The following PLPPR1 variants were observed in gnomAD, a reference collection of about 807,000 sequenced individuals.
PLPPR1 encodes phospholipid phosphatase related 1.
Under a neutral mutation model 33.1 loss-of-function variants are expected in PLPPR1, and 10 were observed. The observed-to-expected ratio is 0.30, with a 90% CI of 0.19 to 0.51. PLPPR1 has a LOEUF of 0.51. Ranked by LOEUF, PLPPR1 falls within the 20% of genes least tolerant of loss-of-function variation. The pLI, the probability that PLPPR1 is intolerant of heterozygous loss-of-function variation, is 0.97. For missense variants in PLPPR1, 304 were observed against 408.1 expected, an observed-to-expected ratio of 0.74 and a Z score of 2.20; for synonymous variants, 151 against 151.0, an observed-to-expected ratio of 1.00 and a Z score of 0.00.
intron 4 of PLPPR1, among the ~76,000 whole-genome samples, chr9:101,294,221 C>G (rs1277657221): frequency 4.0e-5 from 6 of 150,300 alleles, no homozygotes; most frequent in South Asian, 4.3e-4. Context: ...ATAAATTCCT[C>G]GACACATACA....
intron 1 of PLPPR1, among the ~76,000 whole-genome samples, chr9:101,140,051 G>T (rs948826642): frequency 5.9e-5 from 9 of 152,120 alleles, no homozygotes; most frequent in Admixed American, 1.3e-4. Context: ...ATAAGACAAA[G>T]CTTGTGAATC....
chr9:101,196,599 C>T (rs1459282348), intron 2 of PLPPR1, among the ~76,000 whole-genome samples: 7 of 152,216 alleles, frequency 4.6e-5, no homozygotes, highest in African/African-American at 1.2e-4. Context: ...CGGCGGCTCA[C>T]GCCTGTAATC....
rs916429844 is a variant in PLPPR1, at chr9:101,291,285, G to T, written c.385+5049G>T. Among the ~76,000 whole-genome samples, 7 of 152,358 alleles carry T rather than the reference G, an allele frequency of 4.6e-5. No individual in the cohort carries two copies. The East Asian group carries it at 1.4e-3, about 29-fold the overall frequency. The stretch of plus-strand genomic sequence containing the variant: ...TTGCTTAGGTAAACAAAGCAGCCGG[G>T]AAGCTCGAACTGGGTGGAGCCCACC... On this transcript the variant is annotated intron_variant, in intron 4 of 7. Transcript: ENST00000374874.
At chr9:101,277,292 G>A (rs1428507605) in intron 3 of PLPPR1, among the ~76,000 whole-genome samples, 1 of 152,188 alleles carries the variant, frequency 6.6e-6, no homozygotes, top group East Asian at 1.9e-4. Flanking sequence ...TCCTCAGAGT[G>A]TTAGAATATC....
chr9:101,189,380 TAGC>T (rs976835723), intron 2 of PLPPR1, among the ~76,000 whole-genome samples: 3 of 152,098 alleles, frequency 2.0e-5, no homozygotes, highest in African/African-American at 7.2e-5. Context: ...AGCCTCCAGG[TAGC>T]AGGCTCCAGA....
intron 2 of PLPPR1, among the ~76,000 whole-genome samples, chr9:101,211,846 T>G (rs1019355353): frequency 6.6e-6 from 1 of 152,214 alleles, no homozygotes; most frequent in African/African-American, 2.4e-5. Context: ...GAGCTAAGTA[T>G]TTTACATAAA....
intron 2 of PLPPR1, among the ~76,000 whole-genome samples, chr9:101,214,138 A>G (rs1007411923): frequency 1.2e-4 from 19 of 152,228 alleles, no homozygotes; most frequent in Admixed American, 8.5e-4. Flanking sequence ...AGGGATTGCT[A>G]TCACTGAAGG....
At chr9:101,032,758 G>C (rs1829960854) in intron 1 of PLPPR1, among the ~76,000 whole-genome samples, 1 of 152,158 alleles carries the variant, frequency 6.6e-6, no homozygotes, top group Non-Finnish European at 1.5e-5. Context: ...AATGTGCCAA[G>C]GAGGCCACAA....
intron 7 of PLPPR1, among the ~76,000 whole-genome samples, chr9:101,320,223 A>G (rs1456672761): frequency 6.6e-6 from 1 of 152,214 alleles, no homozygotes; most frequent in East Asian, 1.9e-4. Context: ...TCATATGGAT[A>G]CAATTTGAGG....
chr9:101,161,681 A>G (rs1313799976), intron 1 of PLPPR1, among the ~76,000 whole-genome samples: 2 of 152,120 alleles, frequency 1.3e-5, no homozygotes, highest in Non-Finnish European at 2.9e-5. Context: ...TCTTTTTATT[A>G]AAATAAAGAC....
At chr9:101,039,784 C>T (rs1201448401) in intron 1 of PLPPR1, among the ~76,000 whole-genome samples, 1 of 151,974 alleles carries the variant, frequency 6.6e-6, no homozygotes, top group South Asian at 2.1e-4. Flanking sequence ...CATTAACTAT[C>T]GTGAGAACAG....
intron 1 of PLPPR1, among the ~76,000 whole-genome samples, chr9:101,060,423 T>A (rs1564133124): frequency 6.6e-6 from 1 of 152,028 alleles, no homozygotes; most frequent in African/African-American, 2.4e-5. Context: ...AGTTAACATA[T>A]TGTATATTTG....
chr9:101,078,837 T>C (rs1431758523), intron 1 of PLPPR1, among the ~76,000 whole-genome samples: 1 of 152,148 alleles, frequency 6.6e-6, no homozygotes, highest in Non-Finnish European at 1.5e-5. Flanking sequence ...ATTCTCAGTT[T>C]CTCATACAGA....
intron 7 of PLPPR1, among the ~76,000 whole-genome samples, chr9:101,319,987 C>A (rs1261059830): frequency 6.6e-6 from 1 of 151,872 alleles, no homozygotes; most frequent in Non-Finnish European, 1.5e-5. Flanking sequence ...AGACTTCTTT[C>A]TCTCTTAATT....
intron 1 of PLPPR1, among the ~76,000 whole-genome samples, chr9:101,105,951 A>G (rs1830962417): frequency 6.8e-6 from 1 of 147,118 alleles, no homozygotes; most frequent in African/African-American, 2.6e-5. Context: ...AGTCCGTTTT[A>G]TCAGAGACTA....
chr9:101,066,239 G>A (rs1160625979), intron 1 of PLPPR1, among the ~76,000 whole-genome samples: 1 of 152,036 alleles, frequency 6.6e-6, no homozygotes, highest in East Asian at 1.9e-4. Context: ...TTTGGGGGAT[G>A]AAAATAGTCT....
intron 2 of PLPPR1, among the ~76,000 whole-genome samples, chr9:101,232,703 T>C (rs1588085826): frequency 6.6e-6 from 1 of 152,018 alleles, no homozygotes; most frequent in East Asian, 1.9e-4. Context: ...TGTGTTTTCA[T>C]GGAGAGATTA....
At chr9:101,064,790 C>A (rs553025947) in intron 1 of PLPPR1, among the ~76,000 whole-genome samples, 1 of 152,062 alleles carries the variant, frequency 6.6e-6, no homozygotes, top group African/African-American at 2.4e-5. Context: ...GCCTTCTTTC[C>A]GATGGGGACT....
intron 6 of PLPPR1, among the ~76,000 whole-genome samples, 181 bp downstream of exon 6, chr9:101,313,155 C>A (rs1487137849): frequency 6.6e-6 from 1 of 152,178 alleles, no homozygotes; most frequent in Non-Finnish European, 1.5e-5. Flanking sequence ...TCTTTCCTTT[C>A]AGAAACTGGA....
Sources: allele counts gnomAD v4.1 joint callset (sites outside exome capture counted in the v4.1 genomes callset), GRCh38; gene constraint gnomAD v4.1.1; transcripts MANE v1.5; gene names NCBI Gene and HGNC (gene_info 2026-07-23, HGNC 2026-07-21).